The following SEC14L2 variants were observed in gnomAD, a reference collection of about 807,000 sequenced individuals.
The protein encoded by SEC14L2 is SEC14-like protein 2.
SEC14L2 carries 50 observed loss-of-function variants against 56.9 expected under a neutral mutation model. That is an observed-to-expected ratio of 0.88 (90% CI 0.70 to 1.11). The LOEUF is 1.11. Among genes scored for constraint, SEC14L2 ranks in the 50% most tolerant of loss-of-function variants. The pLI is 0.00. For missense variants in SEC14L2, 414 were observed against 500.7 expected, an observed-to-expected ratio of 0.83 and a Z score of 1.65; for synonymous variants, 179 against 188.5, an observed-to-expected ratio of 0.95 and a Z score of 0.41.
At chr22:30,397,736 G>A in intron 1 of SEC14L2, 6 of 408,294 alleles carry the variant, frequency 1.5e-5, no homozygotes, top group East Asian at 7.7e-5. Flanking sequence ...ACACCTCCGT[G>A]TGTGAATTCC....
At chr22:30,410,122 C>T (rs1029865533) in intron 7 of SEC14L2, among the ~76,000 whole-genome samples, 11 of 150,938 alleles carry the variant, frequency 7.3e-5, no homozygotes, top group African/African-American at 2.7e-4. Flanking sequence ...CACTTGAACC[C>T]GGGAGGTGGA....
chr22:30,416,286 A>T lies in SEC14L2; in HGVS notation c.964A>T (p.Thr322Ser). 1 of 1,614,244 alleles carries T rather than the reference A, an allele frequency of 6.2e-7. No individual in the cohort carries two copies. The highest frequency in any genetic ancestry group is 2.2e-5 in the East Asian group (1 of 44,888). Residue 322 changes from threonine (T) to serine (S), a missense_variant, in exon 11 of 12, where the codon ACC becomes TCC. Thr to Ser is a moderately conservative substitution (Grantham distance 58). Transcript: ENST00000615189. The stretch of plus-strand genomic sequence containing the variant: ...TGTTGGTTTTGGGATTTTCCTGAAG[A>T]CCAAGATGGGAGAGAGGCAGCGGGC... ...ADVGFGIFLK[T>S]KMGERQRAGE...
chr22:30,406,591 T>C (rs35103975), intron 3 of SEC14L2, among the ~76,000 whole-genome samples: 1,766 of 152,238 alleles, frequency 0.012, 21 homozygotes, highest in East Asian at 0.059. Context: ...AGAATGATAA[T>C]CTGTTCTGCT....
At chr22:30,419,301 C>T (rs1824727014) in intron 11 of SEC14L2, among the ~76,000 whole-genome samples, 1 of 152,192 alleles carries the variant, frequency 6.6e-6, no homozygotes, top group South Asian at 2.1e-4. Context: ...CCTGTAATGC[C>T]AGCATTTTGG....
chr22:30,403,800 G>A (rs5753127), intron 2 of SEC14L2, among the ~76,000 whole-genome samples: 28,009 of 151,752 alleles, frequency 0.18, 2,806 homozygotes, highest in Middle Eastern at 0.32. Flanking sequence ...TCAGGAGATC[G>A]AGACCATCCT....
intron 2 of SEC14L2, 83 bp downstream of exon 2, chr22:30,399,801 G>C (rs930776963): frequency 1.7e-6 from 2 of 1,203,818 alleles, no homozygotes; most frequent in South Asian, 1.4e-5. Flanking sequence ...CCCTGCCCTT[G>C]GCAATTGAGG....
At chr22:30,420,032 C>A (rs1934476492) in intron 11 of SEC14L2, among the ~76,000 whole-genome samples, 1 of 151,786 alleles carries the variant, frequency 6.6e-6, no homozygotes, top group Non-Finnish European at 1.5e-5. Flanking sequence ...CGACTCACTG[C>A]AACCTTCGCC....
chr22:30,416,472 C>T, intron 11 of SEC14L2, 69 bp downstream of exon 11: 1 of 1,612,396 alleles, frequency 6.2e-7, no homozygotes, highest in Non-Finnish European at 8.5e-7. Flanking sequence ...GGTTCCTCTT[C>T]CTCCATGGAT....
intron 1 of SEC14L2, chr22:30,397,828 C>T (rs148293773): frequency 0.019 from 9,144 of 471,064 alleles, 173 homozygotes; most frequent in Middle Eastern, 0.059. Context: ...AGACCCCTGC[C>T]TGGTTCAGGA....
Position 30,424,803 on chromosome 22 carries a change from C to T in SEC14L2, c.*2396C>T. The T allele has an allele frequency of 2.2e-6, 1 of 456,552 alleles. No homozygotes were observed. Among genetic ancestry groups the T allele is most frequent in the Non-Finnish European group, 4.4e-6 (1 of 226,948 alleles). The allele number at this position is 456,552 out of a possible 1,614,324, so 28.3% of individuals were successfully genotyped here. A position where few individuals can be genotyped will look rare whatever the true frequency, so the allele number is the denominator to read the frequency against. ...GAGACTTAGTGAAGTGCACACATTG[C>T]TCACCTGGGTGAACTGAGGTCCAGC... On this transcript the variant is annotated 3_prime_UTR_variant, in exon 12 of 12. Coordinates refer to ENST00000615189, the MANE Select transcript of SEC14L2 (RefSeq NM_012429.5).
At position 30,425,009 on chromosome 22, in the gene SEC14L2, C is replaced by G; in HGVS notation, c.*2602C>G. 2.7e-6 allele frequency: 1 copy of G among 364,624 alleles called. No individual in the cohort carries two copies. The highest frequency in any genetic ancestry group is 7.6e-4 in the Middle Eastern group (1 of 1,318). 22.6% of individuals were successfully genotyped at this position (364,624 alleles called of 1,614,324 possible). On this transcript the variant is annotated 3_prime_UTR_variant, in exon 12 of 12. Transcript: ENST00000615189. ...ACATGGCGACTGCTGAGAAGGGACT[C>G]CAGAGTCCAGGCACCTACCTCCCAG...
chr22:30,411,342 G>A (rs1369350089), intron 8 of SEC14L2, among the ~76,000 whole-genome samples: 2 of 152,170 alleles, frequency 1.3e-5, no homozygotes, highest in African/African-American at 4.8e-5. Flanking sequence ...TGCCATAGAA[G>A]TTGCAGGAGC....
chr22:30,406,315 C>T, intron 2 of SEC14L2, 27 bp from the exon 3 acceptor site: 1 of 1,613,646 alleles, frequency 6.2e-7, no homozygotes. Context: ...TAACCTAACC[C>T]TGACCAGAAC....
At chr22:30,406,594 G>T (rs1405068098) in intron 3 of SEC14L2, among the ~76,000 whole-genome samples, 1 of 152,124 alleles carries the variant, frequency 6.6e-6, no homozygotes, top group Non-Finnish European at 1.5e-5. Context: ...ATGATAATCT[G>T]TTCTGCTAAG....
At chr22:30,403,064 A>C (rs1933985819) in intron 2 of SEC14L2, among the ~76,000 whole-genome samples, 1 of 152,196 alleles carries the variant, frequency 6.6e-6, no homozygotes, top group African/African-American at 2.4e-5. Flanking sequence ...GCGACAGAGC[A>C]AGATTCTGTC....
chr22:30,411,979 G>A (rs778070650), intron 8 of SEC14L2, among the ~76,000 whole-genome samples: 1 of 152,152 alleles, frequency 6.6e-6, no homozygotes, highest in Non-Finnish European at 1.5e-5. Flanking sequence ...GCAGGAAGCT[G>A]CTTGGCAGAA....
chr22:30,403,559 C>G (rs1933999176), intron 2 of SEC14L2, among the ~76,000 whole-genome samples: 1 of 152,200 alleles, frequency 6.6e-6, no homozygotes, highest in South Asian at 2.1e-4. Context: ...ATGGGGAGGC[C>G]TCAGGTGTGG....
intron 2 of SEC14L2, among the ~76,000 whole-genome samples, chr22:30,404,881 C>A (rs1194728197): frequency 6.6e-6 from 1 of 152,014 alleles, no homozygotes; most frequent in Non-Finnish European, 1.5e-5. Context: ...ACCAGCCTGG[C>A]CAACATGGTG....
intron 8 of SEC14L2, among the ~76,000 whole-genome samples, chr22:30,415,130 A>G (rs1244954275): frequency 6.6e-6 from 1 of 152,022 alleles, no homozygotes; most frequent in African/African-American, 2.4e-5. Flanking sequence ...AAGGCACTTT[A>G]TGGTTTAAAA....
Sources: allele counts gnomAD v4.1 joint callset (sites outside exome capture counted in the v4.1 genomes callset), GRCh38; gene constraint gnomAD v4.1.1; transcripts MANE v1.5; gene names NCBI Gene and HGNC (gene_info 2026-07-23, HGNC 2026-07-21).